The following NALCN variants were observed in gnomAD, a reference collection of about 807,000 sequenced individuals.
The protein encoded by NALCN is sodium leak channel, non-selective.
A neutral mutation model predicts 225.3 loss-of-function variants in NALCN; 111 were observed. The observed-to-expected ratio is 0.49, with a 90% CI of 0.42 to 0.58. NALCN has a LOEUF of 0.58. Among genes scored for constraint, NALCN ranks in the 20% least tolerant of loss-of-function variants. NALCN has a pLI of 0.00. For synonymous variants in NALCN, 764 were observed against 769.0 expected (o/e 0.99, Z 0.11); for missense variants, 1,378 against 2,202.4 (o/e 0.63, Z 7.49).
chr13:101,086,493 T>G (rs2033938482), intron 30 of NALCN, among the ~76,000 whole-genome samples: 4 of 152,090 alleles, frequency 2.6e-5, no homozygotes, highest in Admixed American at 2.6e-4. Flanking sequence ...TTTTTGTTTT[T>G]GTTTTCATTA....
intron 3 of NALCN, among the ~76,000 whole-genome samples, chr13:101,384,732 T>C (rs1406003898): frequency 6.6e-6 from 1 of 152,182 alleles, no homozygotes; most frequent in Non-Finnish European, 1.5e-5. Context: ...ATCATCCAAA[T>C]AGTTTCTTTT....
At position 101,277,758 on chromosome 13, in the gene NALCN, G is replaced by T. The variant is rs993831027; in HGVS notation, c.1134+6175C>A. 2.0e-5 allele frequency among the ~76,000 whole-genome samples: 3 copies of T among 152,122 alleles called. No individual in the cohort carries two copies. The South Asian group carries it at 6.2e-4, about 32-fold the overall frequency. On this transcript the variant is annotated intron_variant, in intron 10 of 43. Transcript: ENST00000251127. Reference sequence around the variant, plus strand: ...CACACGATAGAGTCACGGACAAAGAGAAATCTTTCTCTACTCTTAGAAAAA... The same window carrying T: ...CACACGATAGAGTCACGGACAAAGATAAATCTTTCTCTACTCTTAGAAAAA...
intron 15 of NALCN, among the ~76,000 whole-genome samples, chr13:101,159,108 A>G (rs181493164): frequency 7.2e-5 from 11 of 152,338 alleles, no homozygotes; most frequent in Non-Finnish European, 1.6e-4. Flanking sequence ...GAGTGAAAAA[A>G]TAATAGGAAA....
At chr13:101,156,836 G>A (rs995424410) in intron 15 of NALCN, among the ~76,000 whole-genome samples, 1 of 152,132 alleles carries the variant, frequency 6.6e-6, no homozygotes, top group African/African-American at 2.4e-5. Context: ...TAACATTGGG[G>A]TCTTGGACCC....
At position 101,062,085 on chromosome 13, in the gene NALCN, C is replaced by G. The variant is rs768690877; in HGVS notation, c.4638G>C (p.Lys1546Asn). 5 of 1,614,182 alleles carry G rather than the reference C, an allele frequency of 3.1e-6. No homozygotes were observed. The Admixed American group carries it at 8.3e-5, about 27-fold the overall frequency. ...MLSYRSVDIR[K>N]SLQLEELLAR... is the part of the protein sequence containing the mutation. ...CCAGGAGTTCCTCCAGCTGCAAGCT[C>G]TTCCGGATGTCCACGGACCGGTATG... Residue 1546 changes from lysine to asparagine, a missense_variant, in exon 41 of 44, where the codon AAG (lysine) becomes AAC (asparagine). Lys to Asn is a moderately conservative substitution (Grantham distance 94). Coordinates refer to ENST00000251127, the MANE Select transcript of NALCN (RefSeq NM_052867.4).
At chr13:101,349,835 G>A (rs565197520) in intron 6 of NALCN, among the ~76,000 whole-genome samples, 11 of 152,042 alleles carry the variant, frequency 7.2e-5, no homozygotes, top group African/African-American at 2.7e-4. Context: ...TTCTCCACTT[G>A]GCTACACCAC....
At chr13:101,218,019 C>A (rs1435401860) in intron 13 of NALCN, among the ~76,000 whole-genome samples, 1 of 152,160 alleles carries the variant, frequency 6.6e-6, no homozygotes. Flanking sequence ...ACAACATCTA[C>A]TCCTTCCCAT....
At chr13:101,083,426 G>A (rs1402408051) in intron 31 of NALCN, among the ~76,000 whole-genome samples, 1 of 152,152 alleles carries the variant, frequency 6.6e-6, no homozygotes, top group African/African-American at 2.4e-5. Flanking sequence ...ATTTCTGTCA[G>A]TTTAATACAT....
At chr13:101,206,254 A>T (rs1277815900) in intron 13 of NALCN, among the ~76,000 whole-genome samples, 1 of 152,058 alleles carries the variant, frequency 6.6e-6, no homozygotes, top group African/African-American at 2.4e-5. Context: ...TAACCTGTGT[A>T]ATCAACTTTG....
chr13:101,227,057 A>G (rs2041171604), intron 13 of NALCN, among the ~76,000 whole-genome samples: 1 of 152,130 alleles, frequency 6.6e-6, no homozygotes, highest in Non-Finnish European at 1.5e-5. Context: ...GGAGAGCTGG[A>G]GAGCGGTGCC....
intron 13 of NALCN, among the ~76,000 whole-genome samples, chr13:101,229,029 TA>T (rs1342383367): frequency 7.9e-5 from 12 of 152,188 alleles, no homozygotes; most frequent in African/African-American, 2.9e-4. Context: ...TAACAATATA[TA>T]AATTATAAAA....
chr13:101,193,150 A>G (rs1251523970), intron 13 of NALCN, among the ~76,000 whole-genome samples: 1 of 149,434 alleles, frequency 6.7e-6, no homozygotes, highest in Non-Finnish European at 1.5e-5. Context: ...CAAAGATGTT[A>G]AGTGATTATC....
At position 101,082,596 on chromosome 13, in the gene NALCN, C is replaced by T. The variant is rs116156139; in HGVS notation, c.3765+213G>A. Reference sequence around the variant, plus strand: ...CAGGCCAATGTTCAGACACAACAATCGACAGCAGCATTTCTGTAGTTAGAA... The same window carrying T: ...CAGGCCAATGTTCAGACACAACAATTGACAGCAGCATTTCTGTAGTTAGAA... On this transcript the variant is annotated intron_variant, in intron 33 of 43. Coordinates refer to ENST00000251127, the MANE Select transcript of NALCN (RefSeq NM_052867.4). Among the ~76,000 whole-genome samples the T allele has an allele frequency of 5.1e-3, 778 of 152,288 alleles. 9 individuals are homozygous for T. The highest frequency in any genetic ancestry group is 0.018 in the African/African-American group (751 of 41,552).
At chr13:101,124,758 C>T (rs1026718407) in intron 17 of NALCN, 77 bp from the exon 18 acceptor site, 1 of 1,160,992 alleles carries the variant, frequency 8.6e-7, no homozygotes, top group Non-Finnish European at 1.3e-6. Flanking sequence ...CAATAGATGA[C>T]ATTGTTAAAA....
intron 34 of NALCN, among the ~76,000 whole-genome samples, chr13:101,079,120 A>G (rs2033455316): frequency 1.3e-5 from 2 of 152,192 alleles, no homozygotes; most frequent in East Asian, 1.9e-4. Flanking sequence ...CTTTGAGTCA[A>G]TTAAATATCT....
At chr13:101,270,583 T>C (rs1227492196) in intron 10 of NALCN, among the ~76,000 whole-genome samples, 1 of 152,228 alleles carries the variant, frequency 6.6e-6, no homozygotes, top group Non-Finnish European at 1.5e-5. Context: ...ATGTAGAATC[T>C]TTAAGGAAAG....
At chr13:101,181,968 C>T (rs1031094568) in intron 14 of NALCN, among the ~76,000 whole-genome samples, 10 of 151,630 alleles carry the variant, frequency 6.6e-5, no homozygotes, top group Admixed American at 2.6e-4. Flanking sequence ...CCCGTTTCTA[C>T]TAAAAGTACA....
In NALCN at chr13:101,394,798, T is replaced by G. The variant is rs79979434; in HGVS notation, c.291+385A>C. ...CTGCAATAATATCATGCTCTAACTC[T>G]ATCATGTGACTCTGATTCTGCACTC... On this transcript the variant is annotated intron_variant, in intron 3 of 43. Transcript: ENST00000251127. Among the ~76,000 whole-genome samples the G allele has an allele frequency of 2.4e-3, 372 of 152,240 alleles. 2 individuals are homozygous for G. Among genetic ancestry groups the G allele is most frequent in the African/African-American group, 8.5e-3 (352 of 41,558 alleles).
intron 15 of NALCN, among the ~76,000 whole-genome samples, chr13:101,153,357 G>A (rs994934681): frequency 1.1e-4 from 17 of 152,160 alleles, no homozygotes; most frequent in African/African-American, 3.9e-4. Context: ...CCATATGAAT[G>A]GGGTGACACA....
Sources: gnomAD v4.1 joint callset for allele counts (sites outside exome capture counted in the v4.1 genomes callset) on GRCh38, gnomAD v4.1.1 for gene constraint, MANE v1.5 for transcripts, NCBI Gene and HGNC (gene_info 2026-07-23, HGNC 2026-07-21) for gene names.